PTPRB: variants seen among roughly 807,000 people sequenced by gnomAD.
PTPRB encodes the protein receptor-type tyrosine-protein phosphatase beta.
Under a neutral mutation model 238.1 loss-of-function variants are expected in PTPRB, and 97 were observed. That is an observed-to-expected ratio of 0.41 (90% CI 0.35 to 0.48). The LOEUF is 0.48. Among genes scored for constraint, PTPRB ranks in the 20% least tolerant of loss-of-function variants. The probability of loss-of-function intolerance (pLI) is 0.30; values close to 1 mark genes in which losing one functional copy is unlikely to be tolerated. For missense variants in PTPRB, 2,292 were observed against 2,681.9 expected (o/e 0.85, Z 3.21); for synonymous variants, 970 against 995.4 (o/e 0.97, Z 0.48).
chr12:70,549,785 GC>G (rs1184976886), intron 21 of PTPRB, among the ~76,000 whole-genome samples: 1 of 152,188 alleles, frequency 6.6e-6, no homozygotes, highest in Non-Finnish European at 1.5e-5. Flanking sequence ...TATCTGTCTG[GC>G]ATGCTTTTAA....
rs750413052 is a variant in PTPRB, at chr12:70,590,146, C to A, written c.1868G>T (p.Trp623Leu). Reference sequence around the variant, plus strand: ...GAAGAGTAGGATCCGATACTGCTCCCAGTCTCCAGCAGGGGGCGACCAGCT... The same window carrying A: ...GAAGAGTAGGATCCGATACTGCTCCAAGTCTCCAGCAGGGGGCGACCAGCT... ...VVSWSPPAGD[W>L]EQYRILLFND... is the part of the protein sequence containing the mutation. The change falls in exon 8 of 34, where the codon TGG (tryptophan) becomes TTG (leucine). Residue 623 changes from tryptophan to leucine, a missense_variant. Around this residue, in one of 4 missense-constraint regions of PTPRB, gnomAD observed 1,205 missense variants for 1,287.8 expected, o/e 0.94. Coordinates refer to ENST00000334414, the MANE Select transcript of PTPRB (RefSeq NM_001109754.4). 7.4e-6 allele frequency: 12 copies of A among 1,613,462 alleles called. No homozygotes were observed. In the Admixed American group the frequency reaches 2.0e-4, roughly 27 times the overall value.
intron 22 of PTPRB, chr12:70,541,227 C>A (rs1875053559): frequency 3.5e-6 from 1 of 284,710 alleles, no homozygotes; most frequent in Non-Finnish European, 6.5e-6. Flanking sequence ...GAATTTTGGA[C>A]TTTGCACTTG....
intron 1 of PTPRB, 104 bp downstream of exon 1, chr12:70,637,237 G>A: frequency 9.9e-7 from 1 of 1,008,514 alleles, no homozygotes; most frequent in Non-Finnish European, 1.5e-6. Flanking sequence ...AAACTGCCAT[G>A]GAGACCTGGC....
intron 3 of PTPRB, among the ~76,000 whole-genome samples, chr12:70,610,202 G>T (rs1396439372): frequency 6.6e-6 from 1 of 152,178 alleles, no homozygotes; most frequent in African/African-American, 2.4e-5. Context: ...CCTGCCAAGG[G>T]GCCCGATGTG....
rs548020072 is a variant in PTPRB, at chr12:70,615,706, G to T, written c.709-6367C>A. On this transcript the variant is annotated intron_variant, in intron 3 of 33. Coordinates refer to ENST00000334414, the MANE Select transcript of PTPRB (RefSeq NM_001109754.4). ...TCTACTCCCAGATGAACCCAGTTGAGGCAGTAATGCTTGCAATGGGGCAGT... is the reference window on the plus strand; with the variant it reads ...TCTACTCCCAGATGAACCCAGTTGATGCAGTAATGCTTGCAATGGGGCAGT... Among the ~76,000 whole-genome samples, 7 of 152,346 alleles carry T rather than the reference G, an allele frequency of 4.6e-5. No homozygotes were observed. In the East Asian group the frequency reaches 1.3e-3, roughly 29 times the overall value.
At chr12:70,579,695 C>CAAAAAA (rs35887706) in intron 10 of PTPRB, among the ~76,000 whole-genome samples, 10 of 90,994 alleles carry the variant, frequency 1.1e-4, no homozygotes, top group Non-Finnish European at 1.8e-4. Context: ...GACTCCATCT[C>CAAAAAA]AAAAAAAAAA....
chr12:70,546,691 T>A (rs1876017315), intron 21 of PTPRB, among the ~76,000 whole-genome samples: 1 of 152,218 alleles, frequency 6.6e-6, no homozygotes, highest in Non-Finnish European at 1.5e-5. Flanking sequence ...TTAGGAACAT[T>A]AAGCTGTTTT....
chr12:70,565,983 G>T (rs1879242812), intron 15 of PTPRB, among the ~76,000 whole-genome samples: 1 of 152,132 alleles, frequency 6.6e-6, no homozygotes, highest in Non-Finnish European at 1.5e-5. Flanking sequence ...CAATGTCACT[G>T]TTGGGAGGGG....
chr12:70,579,619 C>A (rs1224417098), intron 10 of PTPRB, among the ~76,000 whole-genome samples: 2 of 150,338 alleles, frequency 1.3e-5, no homozygotes, highest in African/African-American at 2.5e-5. Context: ...ATCGCTTGAA[C>A]CAGGGAGTCG....
chr12:70,571,851 C>T lies in PTPRB; in HGVS notation c.3079G>A (p.Ala1027Thr). The change falls in exon 12 of 34, where the codon GCC (alanine) becomes ACC (threonine). Residue 1027 changes from alanine to threonine, a missense_variant. By Grantham distance (58) the Ala-to-Thr change is moderately conservative. Transcript: ENST00000334414. ...GTTCTCCCATTCCCTTGTTCATTGG[C>T]TTCATATTGTCCACTTTTTGTAGTA... ...TVTTKSGQYE[A>T]NEQGNGRTIP... The T allele has an allele frequency of 6.2e-7, 1 of 1,613,856 alleles. No individual in the cohort carries two copies. The highest frequency in any genetic ancestry group is 8.5e-7 in the Non-Finnish European group (1 of 1,179,806).
At chr12:70,535,669 C>A (rs188749423) in intron 29 of PTPRB, among the ~76,000 whole-genome samples, 162 of 152,284 alleles carry the variant, frequency 1.1e-3, no homozygotes, top group African/African-American at 3.1e-3. Flanking sequence ...CTACAACTCA[C>A]TTCTCCTTTC....
chr12:70,567,927 G>A (rs1281670995), intron 14 of PTPRB, among the ~76,000 whole-genome samples: 1 of 152,064 alleles, frequency 6.6e-6, no homozygotes, highest in African/African-American at 2.4e-5. Flanking sequence ...CTGGACTTAG[G>A]CTATCCACTC....
chr12:70,597,743 C>A (rs1592564645), intron 4 of PTPRB, among the ~76,000 whole-genome samples: 1 of 152,062 alleles, frequency 6.6e-6, no homozygotes, highest in African/African-American at 2.4e-5. Flanking sequence ...GAAGATATAA[C>A]CTTCTTATAT....
intron 27 of PTPRB, 177 bp from the exon 28 acceptor site, chr12:70,538,408 C>T: frequency 1.8e-6 from 1 of 559,766 alleles, no homozygotes; most frequent in East Asian, 2.9e-5. Flanking sequence ...GCATAGGTGG[C>T]CTATAACCAG....
At chr12:70,580,934 C>T (rs1227824883) in intron 10 of PTPRB, 102 bp downstream of exon 10, 2 of 1,347,312 alleles carry the variant, frequency 1.5e-6, no homozygotes, top group Non-Finnish European at 2.0e-6. Flanking sequence ...TTGTAAAGGC[C>T]AGGGATGAGT....
At chr12:70,561,291 G>A (rs1227790737) in intron 16 of PTPRB, among the ~76,000 whole-genome samples, 1 of 152,058 alleles carries the variant, frequency 6.6e-6, no homozygotes, top group Non-Finnish European at 1.5e-5. Flanking sequence ...TCTCATTGCA[G>A]CCACCATCCC....
chr12:70,539,472 G>C, intron 26 of PTPRB, 153 bp downstream of exon 26: 2 of 646,728 alleles, frequency 3.1e-6, no homozygotes, highest in East Asian at 2.7e-5. Context: ...TTCTATTCAG[G>C]GCATAGTTTA....
chr12:70,534,543 C>G lies in PTPRB; in HGVS notation c.6313G>C (p.Val2105Leu), dbSNP rs1381821518. Residue 2105 changes from valine to leucine, a missense_variant, in exon 31 of 34, where the codon GTC (valine) becomes CTC (leucine). Coordinates refer to ENST00000334414, the MANE Select transcript of PTPRB (RefSeq NM_001109754.4). Reference protein sequence around the residue: ...TQSLIQFVRTVRDYINRSPGA... With the variant: ...TQSLIQFVRTLRDYINRSPGA... ...GGGCTTCTGTTGATGTAGTCCCTGA[C>G]AGTTCTCACAAACTGGATCAGAGAC... 1 of 1,613,476 alleles carries G rather than the reference C, an allele frequency of 6.2e-7. No individual in the cohort carries two copies. Among genetic ancestry groups the G allele is most frequent in the Middle Eastern group, 1.7e-4 (1 of 6,044 alleles).
chr12:70,568,081 A>T (rs7300723), intron 14 of PTPRB, among the ~76,000 whole-genome samples: 35,196 of 152,098 alleles, frequency 0.23, 4,772 homozygotes, highest in African/African-American at 0.38. Context: ...TGGAACGAAG[A>T]CAACTTACAC....
Sources: allele counts gnomAD v4.1 joint callset (sites outside exome capture counted in the v4.1 genomes callset), GRCh38; gene constraint gnomAD v4.1.1; regional missense constraint gnomAD v4.1.1; transcripts MANE v1.5; gene names NCBI Gene and HGNC (gene_info 2026-07-23, HGNC 2026-07-21).